The following SOS1 variants were observed in gnomAD, a reference collection of about 807,000 sequenced individuals.
SOS1 encodes son of sevenless homolog 1.
SOS1 carries 25 observed loss-of-function variants against 157.6 expected under a neutral mutation model. That is an observed-to-expected ratio of 0.16 (90% CI 0.12 to 0.22). SOS1 has a LOEUF of 0.22. SOS1 is among the 10% of genes least tolerant of loss of function. SOS1 has a pLI of 1.00. For synonymous variants in SOS1, 528 were observed against 534.0 expected, an observed-to-expected ratio of 0.99 and a Z score of 0.16; for missense variants, 1,237 against 1,599.1, an observed-to-expected ratio of 0.77 and a Z score of 3.86.
chr2:39,076,280 G>T (rs2148158887), intron 1 of SOS1, among the ~76,000 whole-genome samples: 1 of 152,106 alleles, frequency 6.6e-6, no homozygotes. Context: ...CACATCTGTG[G>T]TCCCAGTTAC....
chr2:39,116,762 G>C (rs549865163), intron 1 of SOS1, among the ~76,000 whole-genome samples: 1 of 152,246 alleles, frequency 6.6e-6, no homozygotes, highest in South Asian at 2.1e-4. Flanking sequence ...GAGGTGGGAG[G>C]ATAGCTTAAG....
At chr2:39,084,720 A>G (rs573800551) in intron 1 of SOS1, among the ~76,000 whole-genome samples, 1 of 152,362 alleles carries the variant, frequency 6.6e-6, no homozygotes, top group Non-Finnish European at 1.5e-5. Context: ...CACAGAAAAT[A>G]ACTATACACA....
At chr2:39,073,604 G>A (rs1437291100) in intron 1 of SOS1, among the ~76,000 whole-genome samples, 1 of 152,086 alleles carries the variant, frequency 6.6e-6, no homozygotes, top group Non-Finnish European at 1.5e-5. Context: ...AGTTCATTTT[G>A]TCTCTAGTAA....
intron 2 of SOS1, among the ~76,000 whole-genome samples, chr2:39,059,802 T>A (rs1671338963): frequency 6.6e-6 from 1 of 152,186 alleles, no homozygotes; most frequent in South Asian, 2.1e-4. Context: ...AGGAGTGTAA[T>A]CCATTCAATT....
intron 1 of SOS1, among the ~76,000 whole-genome samples, chr2:39,077,262 A>C (rs1386621576): frequency 2.0e-5 from 3 of 151,494 alleles, no homozygotes; most frequent in African/African-American, 4.9e-5. Flanking sequence ...GAATTGCTTG[A>C]TCCCAGGAGG....
intron 17 of SOS1, among the ~76,000 whole-genome samples, chr2:38,998,073 A>G (rs922289689): frequency 1.3e-5 from 2 of 152,178 alleles, no homozygotes; most frequent in Admixed American, 6.5e-5. Flanking sequence ...GGTCTTCAAT[A>G]GTTTGTAGAC....
At chr2:39,090,967 C>T (rs1355863808) in intron 1 of SOS1, among the ~76,000 whole-genome samples, 1 of 152,100 alleles carries the variant, frequency 6.6e-6, no homozygotes, top group Non-Finnish European at 1.5e-5. Context: ...CTCCTGGGTT[C>T]AAGCGATTCT....
At chr2:39,049,835 T>C (rs938567698) in intron 6 of SOS1, among the ~76,000 whole-genome samples, 3 of 152,222 alleles carry the variant, frequency 2.0e-5, no homozygotes, top group African/African-American at 7.2e-5. Flanking sequence ...CACAACTTTT[T>C]AGAAAACTTT....
intron 17 of SOS1, among the ~76,000 whole-genome samples, chr2:39,000,446 T>C (rs1167100039): frequency 6.6e-6 from 1 of 152,156 alleles, no homozygotes; most frequent in Non-Finnish European, 1.5e-5. Flanking sequence ...TTTTAAAAAA[T>C]ATATAAATAG....
intron 1 of SOS1, among the ~76,000 whole-genome samples, chr2:39,080,449 G>C (rs184713047): frequency 3.2e-4 from 48 of 152,310 alleles, no homozygotes; most frequent in African/African-American, 1.1e-3. Context: ...TCAGTCTGTA[G>C]CCTGGGGGTT....
intron 1 of SOS1, among the ~76,000 whole-genome samples, chr2:39,075,945 G>A (rs1267626815): frequency 6.6e-6 from 1 of 152,172 alleles, no homozygotes; most frequent in South Asian, 2.1e-4. Flanking sequence ...TAAAGAAATT[G>A]TATCAAAGGT....
intron 1 of SOS1, among the ~76,000 whole-genome samples, chr2:39,109,935 A>T (rs1457653945): frequency 6.6e-6 from 1 of 152,180 alleles, no homozygotes; most frequent in African/African-American, 2.4e-5. Context: ...ACACTACCTA[A>T]CGTCAAAACT....
chr2:39,013,368 T>C (rs1482270895), intron 13 of SOS1, 92 bp downstream of exon 13: 5 of 829,226 alleles, frequency 6.0e-6, no homozygotes, highest in Non-Finnish European at 1.1e-5. Context: ...ATAAACATCT[T>C]ACATTACTGA....
chr2:39,017,736 A>C (rs543810980), intron 10 of SOS1, among the ~76,000 whole-genome samples: 2 of 152,152 alleles, frequency 1.3e-5, no homozygotes, highest in Admixed American at 1.3e-4. Context: ...AGCAATGAAA[A>C]ATTGCTAATG....
rs1305553673 is a variant in SOS1 at position 38,986,096 on chromosome 2, G to C, written c.3730C>G (p.His1244Asp). The C allele has an allele frequency of 6.2e-7, 1 of 1,613,844 alleles. No individual in the cohort carries two copies. Among genetic ancestry groups the C allele is most frequent in the East Asian group, 2.2e-5 (1 of 44,854 alleles). ...CTGTTTGGGAAGAAGGCATTGCCAT[G>C]GTCACTTTTTTTGCCCAAAGGGGGA... is the stretch of plus-strand genomic sequence containing the variant. ...QPPPLGKKSD[H>D]GNAFFPNSPS... The change falls in exon 23 of 23, where the codon CAT (histidine) becomes GAT (aspartate). Residue 1244 changes from histidine (H) to aspartate (D), a missense_variant. His to Asp is a moderately conservative substitution (Grantham distance 81). Transcript: ENST00000402219.
intron 2 of SOS1, among the ~76,000 whole-genome samples, chr2:39,063,100 A>T (rs969806717): frequency 6.6e-6 from 1 of 152,074 alleles, no homozygotes; most frequent in African/African-American, 2.4e-5. Flanking sequence ...TTAAAATACA[A>T]TGTAATAACT....
At chr2:39,037,616 C>CT (rs35085177) in intron 6 of SOS1, among the ~76,000 whole-genome samples, 75 of 148,840 alleles carry the variant, frequency 5.0e-4, no homozygotes, top group African/African-American at 1.2e-3. Flanking sequence ...CATATATTGC[C>CT]TTTTTTTTTT....
intron 6 of SOS1, among the ~76,000 whole-genome samples, chr2:39,042,712 A>ATTTT (rs200188697): frequency 2.2e-4 from 29 of 132,636 alleles, no homozygotes; most frequent in African/African-American, 7.4e-4. Context: ...TAATTTTATG[A>ATTTT]TTTTTTTTTT....
Position 39,005,849 on chromosome 2 carries a change from T to C in SOS1, c.2791+563A>G, listed in dbSNP as rs370557824. On this transcript the variant is annotated intron_variant, in intron 17 of 22. Transcript: ENST00000402219. Reference sequence around the variant, plus strand: ...AAAAGATGAGAGTAGGAAAGAGATATTGAATACATGAAAATAAAGGAAATA... The same window carrying C: ...AAAAGATGAGAGTAGGAAAGAGATACTGAATACATGAAAATAAAGGAAATA... Among the ~76,000 whole-genome samples, 40 of 151,938 alleles carry C rather than the reference T, an allele frequency of 2.6e-4. 1 individual carries two copies. Among genetic ancestry groups the C allele is most frequent in the East Asian group, 1.9e-3 (10 of 5,164 alleles).
Sources: allele counts gnomAD v4.1 joint callset (sites outside exome capture counted in the v4.1 genomes callset), GRCh38; gene constraint gnomAD v4.1.1; transcripts MANE v1.5; gene names NCBI Gene and HGNC (gene_info 2026-07-23, HGNC 2026-07-21).